CTNNAL1: variants seen among roughly 807,000 people sequenced by gnomAD.
The protein encoded by CTNNAL1 is alpha-catulin.
In CTNNAL1, 69 loss-of-function variants were observed where a neutral mutation model predicts 93.6. The observed-to-expected ratio is 0.74, with a 90% CI of 0.61 to 0.90. CTNNAL1 has a LOEUF of 0.90. CTNNAL1 is among the 40% of genes least tolerant of loss of function. CTNNAL1 has a pLI of 0.00. For synonymous variants in CTNNAL1, 286 were observed against 305.4 expected (o/e 0.94, Z 0.66); for missense variants, 836 against 862.0 (o/e 0.97, Z 0.38).
chr9:108,950,381 G>C, intron 14 of CTNNAL1: 1 of 1,049,618 alleles, frequency 9.5e-7, no homozygotes, highest in Non-Finnish European at 1.3e-6. Flanking sequence ...CAACAGTTAA[G>C]AACAATGGAA....
chr9:108,995,965 G>GTT lies in CTNNAL1; in HGVS notation c.331+3100_331+3101dup, dbSNP rs11461285. Among the ~76,000 whole-genome samples the GTT allele has an allele frequency of 2.0e-3, 294 of 147,288 alleles. 1 individual carries two copies. The highest frequency in any genetic ancestry group is 3.5e-3 in the Middle Eastern group (1 of 282). The stretch of plus-strand genomic sequence containing the variant: ...GGCAATCTGACCCTAAGACTTTAGT[G>GTT]TTTTTTTTTTTGAGACAGGGTCTCT... On this transcript the variant is annotated intron_variant, in intron 2 of 18. Transcript: ENST00000325551.
chr9:108,989,142 T>C (rs1466798945), intron 4 of CTNNAL1, among the ~76,000 whole-genome samples: 1 of 152,218 alleles, frequency 6.6e-6, no homozygotes, highest in Non-Finnish European at 1.5e-5. Context: ...ATGCCAAATT[T>C]CTAACTACAA....
chr9:108,983,408 G>T, intron 5 of CTNNAL1, 93 bp from the exon 6 acceptor site: 1 of 1,275,876 alleles, frequency 7.8e-7, no homozygotes, highest in Non-Finnish European at 1.0e-6. Context: ...AAGAAAAATG[G>T]TTCTTTACCA....
At chr9:108,943,396 TCAGA>T (rs1334150807) in intron 17 of CTNNAL1, among the ~76,000 whole-genome samples, 2 of 152,190 alleles carry the variant, frequency 1.3e-5, no homozygotes, top group Admixed American at 6.5e-5. Context: ...CCATATTCTC[TCAGA>T]CAAATTATGG....
intron 1 of CTNNAL1, 128 bp from the exon 2 acceptor site, chr9:108,999,384 G>T: frequency 2.4e-6 from 2 of 845,264 alleles, no homozygotes; most frequent in Non-Finnish European, 3.4e-6. Context: ...AGTTAGAGAT[G>T]CTTCAACAGA....
Position 108,977,021 on chromosome 9 carries a change from C to A in CTNNAL1, c.1129G>T (p.Glu377Ter). 1 of 1,536,374 alleles carries A rather than the reference C, an allele frequency of 6.5e-7. No individual in the cohort carries two copies. Among genetic ancestry groups the A allele is most frequent in the Non-Finnish European group, 8.8e-7 (1 of 1,142,670 alleles). ...TTCAAAATACTGAGTTCCAGTTCTTCAGCGATGCTTTTTGTTTTCTTGCTT... is the reference window on the plus strand; with the variant it reads ...TTCAAAATACTGAGTTCCAGTTCTTAAGCGATGCTTTTTGTTTTCTTGCTT... ...AQSKKTKSIA[E>*]ELELSILKIS... is the part of the protein sequence containing the mutation. The change falls in exon 8 of 19, where the codon GAA (glutamate) becomes TAA (stop). Residue 377 changes from glutamate (E) to a stop codon, truncating the protein, a stop_gained. Transcript: ENST00000325551. LOFTEE classifies it high-confidence loss of function.
chr9:108,982,404 A>G (rs907646991), intron 6 of CTNNAL1, among the ~76,000 whole-genome samples: 9 of 152,230 alleles, frequency 5.9e-5, no homozygotes, highest in African/African-American at 2.2e-4. Context: ...TTTAATTATT[A>G]CTAATACTAT....
At chr9:108,978,818 A>T (rs967206194) in intron 7 of CTNNAL1, among the ~76,000 whole-genome samples, 1 of 152,164 alleles carries the variant, frequency 6.6e-6, no homozygotes, top group African/African-American at 2.4e-5. Context: ...TCTACACCCC[A>T]ATAAGTTTTC....
intron 6 of CTNNAL1, among the ~76,000 whole-genome samples, chr9:108,982,613 T>C (rs565281192): frequency 4.3e-4 from 66 of 152,356 alleles, no homozygotes; most frequent in African/African-American, 1.5e-3. Context: ...GAGTAGCTAC[T>C]ATAACCAAAG....
intron 1 of CTNNAL1, among the ~76,000 whole-genome samples, chr9:108,999,466 G>A (rs772771333): frequency 3.3e-5 from 5 of 152,180 alleles, no homozygotes; most frequent in Non-Finnish European, 7.3e-5. Context: ...AAGTTCACCT[G>A]AGGGCAGTTA....
At chr9:109,008,282 C>A (rs771290254) in intron 1 of CTNNAL1, among the ~76,000 whole-genome samples, 7 of 151,644 alleles carry the variant, frequency 4.6e-5, no homozygotes, top group Non-Finnish European at 1.0e-4. Flanking sequence ...CCCAGCCTCC[C>A]AAGTAGCTGG....
At chr9:108,991,767 T>C (rs1028333580) in intron 3 of CTNNAL1, 26 of 334,596 alleles carry the variant, frequency 7.8e-5, no homozygotes, top group Middle Eastern at 8.4e-4. Flanking sequence ...TCAACACTTA[T>C]CAAGTGGTTT....
Position 108,984,387 on chromosome 9 carries a change from A to G in CTNNAL1, c.689T>C (p.Val230Ala), listed in dbSNP as rs776038801. The G allele has an allele frequency of 5.3e-5, 85 of 1,612,758 alleles. No individual in the cohort carries two copies. The Admixed American group carries it at 1.4e-3, about 27-fold the overall frequency. Residue 230 changes from valine to alanine, a missense_variant, in exon 5 of 19, where the codon GTT becomes GCT. By Grantham distance (64) the Val-to-Ala change is moderately conservative. Coordinates refer to ENST00000325551, the MANE Select transcript of CTNNAL1 (RefSeq NM_003798.4). The part of the protein sequence containing the change: ...KKAKMAAARA[V>A]LEKCTMMLLT... ...AAGCATCATTGTACACTTTTCAAGA[A>G]CTGCCCTAGCTGCTGCCATTTTTGC...
chr9:108,951,451 T>G (rs1000698872), intron 14 of CTNNAL1, among the ~76,000 whole-genome samples: 4 of 152,066 alleles, frequency 2.6e-5, no homozygotes, highest in Admixed American at 1.3e-4. Flanking sequence ...AAAATCAGAA[T>G]GAGTAGGACA....
intron 6 of CTNNAL1, among the ~76,000 whole-genome samples, chr9:108,980,565 G>A (rs1485941715): frequency 6.6e-6 from 1 of 152,160 alleles, no homozygotes; most frequent in Non-Finnish European, 1.5e-5. Flanking sequence ...TGCCATAGGA[G>A]AGTCCTTGCT....
chr9:108,963,838 CA>C (rs1830882123), intron 11 of CTNNAL1, among the ~76,000 whole-genome samples: 1 of 152,182 alleles, frequency 6.6e-6, no homozygotes, highest in East Asian at 1.9e-4. Flanking sequence ...GTAGTGCTCA[CA>C]AAAGACTTTT....
At position 108,992,793 on chromosome 9, in the gene CTNNAL1, T is replaced by C. The variant is rs775905213; in HGVS notation, c.358A>G (p.Ile120Val). Residue 120 changes from isoleucine (I) to valine (V), a missense_variant, in exon 3 of 19, where the codon ATA (isoleucine) becomes GTA (valine). By Grantham distance (29) the Ile-to-Val change is conservative. Coordinates refer to ENST00000325551, the MANE Select transcript of CTNNAL1 (RefSeq NM_003798.4). ...AGETIAALTD[I>V]TNLNHLESDG... The stretch of plus-strand genomic sequence containing the variant: ...GATTCCAGATGGTTCAAGTTGGTTA[T>C]GTCTGTAAGTGCTGCAATTGTTTCT... 1 of 1,612,020 alleles carries C rather than the reference T, an allele frequency of 6.2e-7. No individual in the cohort carries two copies. Among genetic ancestry groups the C allele is most frequent in the Admixed American group, 1.7e-5 (1 of 59,506 alleles).
rs1190513937 is a variant in CTNNAL1 at position 108,990,814 on chromosome 9, A to C, written c.551T>G (p.Val184Gly). The stretch of plus-strand genomic sequence containing the variant: ...TTGGACAAACTCTTGAAAGCTATTC[A>C]CTTTCTCTAGTCTTTCCATAGTTGC... ...VLATMERLEKVNSFQEFVQIF... is the reference protein window; with the variant it reads ...VLATMERLEKGNSFQEFVQIF... Residue 184 changes from valine to glycine, a missense_variant, in exon 4 of 19, where the codon GTG (valine) becomes GGG (glycine). Coordinates refer to ENST00000325551, the MANE Select transcript of CTNNAL1 (RefSeq NM_003798.4). 2 of 1,613,398 alleles carry C rather than the reference A, an allele frequency of 1.2e-6. No homozygotes were observed. The highest frequency in any genetic ancestry group is 2.2e-5 in the East Asian group (1 of 44,836).
intron 10 of CTNNAL1, among the ~76,000 whole-genome samples, chr9:108,967,237 G>A (rs73654203): frequency 0.019 from 2,953 of 152,230 alleles, 95 homozygotes; most frequent in African/African-American, 0.068. Context: ...TACTCTAGTG[G>A]AGATTTGGAA....
Sources: gnomAD v4.1 joint callset for allele counts (sites outside exome capture counted in the v4.1 genomes callset) on GRCh38, gnomAD v4.1.1 for gene constraint, MANE v1.5 for transcripts, NCBI Gene and HGNC (gene_info 2026-07-23, HGNC 2026-07-21) for gene names.